The following NAALADL2 variants were observed in gnomAD, a reference collection of about 807,000 sequenced individuals.
The protein encoded by NAALADL2 is inactive N-acetylated-alpha-linked acidic dipeptidase-like protein 2.
NAALADL2 carries 76 observed loss-of-function variants against 87.2 expected under a neutral mutation model. That is an observed-to-expected ratio of 0.87 (90% CI 0.72 to 1.05). The LOEUF (loss-of-function observed/expected upper bound fraction) is 1.05. Among genes scored for constraint, NAALADL2 ranks in the 50% least tolerant of loss-of-function variants. The probability of loss-of-function intolerance (pLI) is 0.00; values close to 1 mark genes in which losing one functional copy is unlikely to be tolerated. For missense variants in NAALADL2, 1,089 were observed against 945.8 expected (o/e 1.15, Z -1.99); for synonymous variants, 354 against 331.0 (o/e 1.07, Z -0.75).
intron 2 of NAALADL2, among the ~76,000 whole-genome samples, chr3:175,232,068 C>T (rs1408238096): frequency 1.3e-5 from 2 of 151,500 alleles, no homozygotes; most frequent in Admixed American, 1.3e-4. Context: ...ATTTAGGTGG[C>T]ACTGTTGACT....
At chr3:174,592,446 T>C (rs1245264711) in intron 2 of NAALADL2, among the ~76,000 whole-genome samples, 3 of 152,088 alleles carry the variant, frequency 2.0e-5, no homozygotes, top group Non-Finnish European at 4.4e-5. Context: ...GAAGGAGCAA[T>C]ACCTGAGAAA....
At chr3:174,621,775 T>C (rs768869411) in intron 2 of NAALADL2, among the ~76,000 whole-genome samples, 2 of 152,128 alleles carry the variant, frequency 1.3e-5, no homozygotes, top group African/African-American at 2.4e-5. Context: ...CGCAGGGCCT[T>C]GTATGTAATA....
rs547572469 is a variant in NAALADL2 at position 175,492,441 on chromosome 3, T to A, written c.1653+20683T>A. On this transcript the variant is annotated intron_variant, in intron 9 of 13. Transcript: ENST00000454872. ...AAGAAAGACATTAAGATATATGGAG[T>A]ATAAAATGCTAATCAGGTAAGATGA... 1.6e-3 allele frequency among the ~76,000 whole-genome samples: 239 copies of A among 152,208 alleles called. 1 individual carries two copies. The highest frequency in any genetic ancestry group is 2.6e-3 in the Non-Finnish European group (174 of 68,008).
chr3:174,526,882 G>A (rs1485745982), intron 1 of NAALADL2, among the ~76,000 whole-genome samples: 1 of 151,840 alleles, frequency 6.6e-6, no homozygotes, highest in African/African-American at 2.4e-5. Flanking sequence ...TTACTATGTT[G>A]GCCAGGCTGG....
intron 2 of NAALADL2, among the ~76,000 whole-genome samples, chr3:174,590,454 T>A (rs536264417): frequency 1.2e-3 from 186 of 152,282 alleles, no homozygotes; most frequent in South Asian, 4.3e-3. Flanking sequence ...TAAATATAAA[T>A]AATCTAAATG....
intron 2 of NAALADL2, among the ~76,000 whole-genome samples, chr3:174,566,026 G>T (rs916676666): frequency 5.3e-5 from 8 of 151,440 alleles, no homozygotes; most frequent in Non-Finnish European, 5.9e-5. Flanking sequence ...ACCAAATTTT[G>T]CATGTCTTGT....
chr3:174,993,143 A>G (rs1314249931), intron 1 of NAALADL2, among the ~76,000 whole-genome samples: 3 of 152,226 alleles, frequency 2.0e-5, no homozygotes, highest in Non-Finnish European at 4.4e-5. Flanking sequence ...ATTTTGGAAA[A>G]TATGAATGCT....
intron 2 of NAALADL2, among the ~76,000 whole-genome samples, chr3:175,188,119 G>A (rs962433897): frequency 5.9e-5 from 9 of 152,120 alleles, no homozygotes; most frequent in African/African-American, 2.2e-4. Context: ...TGTTGATTAT[G>A]TTATTAACTC....
chr3:175,411,411 G>A (rs539658638), intron 5 of NAALADL2, among the ~76,000 whole-genome samples: 1 of 152,208 alleles, frequency 6.6e-6, no homozygotes, highest in Admixed American at 6.5e-5. Flanking sequence ...AGAAGAGTGC[G>A]GACTGGGGGT....
chr3:175,558,936 G>T (rs1408220871), intron 9 of NAALADL2, among the ~76,000 whole-genome samples: 4 of 151,982 alleles, frequency 2.6e-5, no homozygotes, highest in African/African-American at 9.7e-5. Context: ...TAAATTTTAA[G>T]ATTTTTTTGT....
chr3:175,600,878 A>G (rs1480235267), intron 10 of NAALADL2, among the ~76,000 whole-genome samples: 2 of 152,258 alleles, frequency 1.3e-5, no homozygotes, highest in East Asian at 3.9e-4. Flanking sequence ...TAACCAGACC[A>G]TGTGGCATTG....
chr3:174,848,644 C>T (rs1724902826), intron 3 of NAALADL2, among the ~76,000 whole-genome samples: 1 of 152,162 alleles, frequency 6.6e-6, no homozygotes, highest in Non-Finnish European at 1.5e-5. Context: ...TTCATTTTCA[C>T]AGCTTTGCAG....
intron 1 of NAALADL2, among the ~76,000 whole-genome samples, chr3:174,455,138 G>A (rs1005667035): frequency 3.3e-5 from 5 of 151,980 alleles, no homozygotes; most frequent in Non-Finnish European, 5.9e-5. Flanking sequence ...AGAAGAAATG[G>A]ATAAATTCCT....
At chr3:175,430,353 T>G (rs1717548143) in intron 5 of NAALADL2, among the ~76,000 whole-genome samples, 1 of 151,946 alleles carries the variant, frequency 6.6e-6, no homozygotes, top group African/African-American at 2.4e-5. Context: ...GTGTGTTAAT[T>G]TGGAAACTTG....
intron 13 of NAALADL2, among the ~76,000 whole-genome samples, chr3:175,790,768 T>TGTAA: frequency 6.6e-6 from 1 of 152,344 alleles, no homozygotes; most frequent in South Asian, 2.1e-4. Context: ...AATTAATCTG[T>TGTAA]GTAAGTCTGT....
intron 2 of NAALADL2, among the ~76,000 whole-genome samples, chr3:174,606,451 TA>T (rs1482656189): frequency 3.3e-5 from 5 of 152,104 alleles, no homozygotes; most frequent in African/African-American, 1.2e-4. Flanking sequence ...ATAACTAGAA[TA>T]ACCAATATAG....
intron 1 of NAALADL2, among the ~76,000 whole-genome samples, chr3:174,968,276 A>G (rs1303191377): frequency 6.6e-6 from 1 of 152,102 alleles, no homozygotes; most frequent in Non-Finnish European, 1.5e-5. Flanking sequence ...TTTATTAAGC[A>G]TTACTATTTG....
intron 1 of NAALADL2, among the ~76,000 whole-genome samples, chr3:175,039,979 A>G (rs761796895): frequency 1.4e-4 from 21 of 152,174 alleles, no homozygotes; most frequent in Non-Finnish European, 2.2e-4. Flanking sequence ...CTTTACAAAA[A>G]TGTATAGATC....
rs184242838 is a variant in NAALADL2 at position 174,497,026 on chromosome 3, C to G, written c.-183-53543C>G. ...AAAATGTGTAATTACATTTAAAGCT[C>G]ATTACAAAAACCTTTACCTTTAAAT... On this transcript the variant is annotated intron_variant, in intron 1 of 3. Transcript: ENST00000434257. 2.3e-3 allele frequency among the ~76,000 whole-genome samples: 347 copies of G among 152,258 alleles called. 1 individual carries two copies. The highest frequency in any genetic ancestry group is 7.8e-3 in the African/African-American group (324 of 41,558).
Sources: gnomAD v4.1 joint callset for allele counts (sites outside exome capture counted in the v4.1 genomes callset) on GRCh38, gnomAD v4.1.1 for gene constraint, MANE v1.5 for transcripts, NCBI Gene and HGNC (gene_info 2026-07-23, HGNC 2026-07-21) for gene names.